Variants in ZNF609 observed in about 807,000 individuals in gnomAD.
ZNF609 encodes the protein zinc finger protein 609.
A neutral mutation model predicts 109.5 loss-of-function variants in ZNF609; 11 were observed. The observed-to-expected ratio is 0.10, with a 90% CI of 0.06 to 0.17. The LOEUF (loss-of-function observed/expected upper bound fraction) is 0.17, where lower values mean the gene tolerates loss of function less well. ZNF609 is among the 10% of genes least tolerant of loss of function. The probability of loss-of-function intolerance (pLI) is 1.00; values close to 1 mark genes in which losing one functional copy is unlikely to be tolerated. For missense variants in ZNF609, 1,559 were observed against 1,772.4 expected (o/e 0.88, Z 2.16); for synonymous variants, 646 against 662.0 (o/e 0.98, Z 0.37).
intron 2 of ZNF609, among the ~76,000 whole-genome samples, chr15:64,569,556 A>T (rs1894829042): frequency 6.6e-6 from 1 of 152,254 alleles, no homozygotes; most frequent in Non-Finnish European, 1.5e-5. Flanking sequence ...TAGAAAATCC[A>T]AGCAGGTAGA....
At chr15:64,505,830 ATCAAC>A (rs957946848) in intron 2 of ZNF609, among the ~76,000 whole-genome samples, 3 of 152,054 alleles carry the variant, frequency 2.0e-5, no homozygotes, top group African/African-American at 7.2e-5. Flanking sequence ...TGAATTTCAC[ATCAAC>A]TCTTATGTAT....
chr15:64,571,225 A>G (rs548571270), intron 2 of ZNF609, among the ~76,000 whole-genome samples: 1 of 152,288 alleles, frequency 6.6e-6, no homozygotes, highest in East Asian at 1.9e-4. Context: ...TTGGGTATAG[A>G]TCCCTCAGCA....
chr15:64,676,301 G>C (rs202175272), intron 5 of ZNF609, 45 bp downstream of exon 5: 1 of 1,528,808 alleles, frequency 6.5e-7, no homozygotes, highest in African/African-American at 1.4e-5. Flanking sequence ...TATGGTAATC[G>C]TCTATCTTCC....
At chr15:64,564,806 G>A (rs1270961087) in intron 2 of ZNF609, among the ~76,000 whole-genome samples, 2 of 150,798 alleles carry the variant, frequency 1.3e-5, no homozygotes, top group Non-Finnish European at 2.9e-5. Flanking sequence ...TGATAGTAAT[G>A]TCACTGATAC....
At position 64,643,440 on chromosome 15, in the gene ZNF609, C is replaced by T. The variant is rs578033823; in HGVS notation, c.973+20388C>T. Among the ~76,000 whole-genome samples, 17 of 152,210 alleles carry T rather than the reference C, an allele frequency of 1.1e-4. No individual in the cohort carries two copies. In the South Asian group the frequency reaches 3.1e-3, roughly 28 times the overall value. ...TGCATCTTCCTCCTTGCCCTTACTCCGAACATCAGTAAACAAATATGTCTG... is the reference window on the plus strand; with the variant it reads ...TGCATCTTCCTCCTTGCCCTTACTCTGAACATCAGTAAACAAATATGTCTG... On this transcript the variant is annotated intron_variant, in intron 3 of 9. Transcript: ENST00000326648.
intron 3 of ZNF609, among the ~76,000 whole-genome samples, chr15:64,662,246 A>T (rs1896588111): frequency 6.6e-6 from 1 of 152,226 alleles, no homozygotes; most frequent in Non-Finnish European, 1.5e-5. Flanking sequence ...AGGAACCCCC[A>T]ATAATACCTT....
intron 8 of ZNF609, 22 bp from the exon 9 acceptor site, chr15:64,681,287 A>T (rs781298237): frequency 6.2e-7 from 1 of 1,612,348 alleles, no homozygotes; most frequent in Non-Finnish European, 8.5e-7. Flanking sequence ...TGCTACACTA[A>T]CATGTTCTCC....
intron 2 of ZNF609, among the ~76,000 whole-genome samples, chr15:64,576,549 C>T (rs1894955931): frequency 1.3e-5 from 2 of 151,928 alleles, no homozygotes; most frequent in Admixed American, 1.3e-4. Flanking sequence ...CTTCCATGCC[C>T]TATTCTAGAA....
chr15:64,644,954 CTTTCTT>C (rs1567037913), intron 3 of ZNF609, among the ~76,000 whole-genome samples: 1 of 148,992 alleles, frequency 6.7e-6, no homozygotes, highest in African/African-American at 2.6e-5. Context: ...TTTTCTCTCT[CTTTCTT>C]TTCTTTTCTT....
Position 64,673,981 on chromosome 15 carries a change from G to A in ZNF609, c.1127G>A (p.Arg376His), listed in dbSNP as rs1450055260. 12 of 1,614,098 alleles carry A rather than the reference G, an allele frequency of 7.4e-6. No homozygotes were observed. Among genetic ancestry groups the A allele is most frequent in the East Asian group, 2.2e-5 (1 of 44,874 alleles). ...RNGRGRGKRM[R>H]PNSNTPVNET... The stretch of plus-strand genomic sequence containing the variant: ...GGCCGGGGTAGAGGCAAACGCATGC[G>A]TCCCAACAGTAATACACCTGTCAAT... The change falls in exon 5 of 10, where the codon CGT becomes CAT. Residue 376 changes from arginine (R) to histidine (H), a missense_variant. Around this residue, in one of 4 missense-constraint regions of ZNF609, gnomAD observed 1,204 missense variants for 1,314.1 expected, o/e 0.92. Transcript: ENST00000326648.
At chr15:64,468,034 C>T (rs555444527) in intron 1 of ZNF609, among the ~76,000 whole-genome samples, 28 of 148,764 alleles carry the variant, frequency 1.9e-4, no homozygotes, top group South Asian at 1.1e-3. Context: ...TTTTTTGAGG[C>T]AGGGCCTTGC....
At chr15:64,470,461 G>C (rs1893077178) in intron 1 of ZNF609, 1 of 152,170 alleles carries the variant, frequency 6.6e-6, no homozygotes, top group South Asian at 2.1e-4. Flanking sequence ...TGAAAAGCTG[G>C]TTGGTAAGTG....
chr15:64,588,839 T>C (rs1895246946), intron 2 of ZNF609, among the ~76,000 whole-genome samples: 1 of 152,080 alleles, frequency 6.6e-6, no homozygotes, highest in African/African-American at 2.4e-5. Flanking sequence ...GGTTTCACCA[T>C]ATTGGTCAGG....
chr15:64,519,120 G>C (rs1170770095), intron 2 of ZNF609, among the ~76,000 whole-genome samples: 5 of 143,584 alleles, frequency 3.5e-5, no homozygotes, highest in African/African-American at 1.3e-4. Flanking sequence ...GGTGCAGGGC[G>C]GGGGGCGGGG....
At chr15:64,588,167 G>A (rs867845277) in intron 2 of ZNF609, among the ~76,000 whole-genome samples, 30 of 150,732 alleles carry the variant, frequency 2.0e-4, no homozygotes, top group Middle Eastern at 6.8e-3. Flanking sequence ...GGTGGCTCAC[G>A]CCTGTAATCC....
intron 2 of ZNF609, among the ~76,000 whole-genome samples, chr15:64,504,636 G>GTTT (rs767874531): frequency 3.7e-5 from 5 of 136,972 alleles, no homozygotes; most frequent in East Asian, 2.1e-4. Context: ...TGCCTGGCTA[G>GTTT]TTTTTTTTTT....
At chr15:64,484,939 A>C (rs1411979566) in intron 1 of ZNF609, among the ~76,000 whole-genome samples, 3 of 152,194 alleles carry the variant, frequency 2.0e-5, no homozygotes, top group African/African-American at 7.2e-5. Flanking sequence ...GCGCCACTGC[A>C]CTCCAGCTTG....
At chr15:64,524,066 T>G (rs1893933261) in intron 2 of ZNF609, among the ~76,000 whole-genome samples, 1 of 151,460 alleles carries the variant, frequency 6.6e-6, no homozygotes, top group African/African-American at 2.4e-5. Context: ...AATTCATGTT[T>G]TCTTTTTTTT....
chr15:64,679,359 C>T (rs944336845), intron 6 of ZNF609, among the ~76,000 whole-genome samples: 1 of 152,210 alleles, frequency 6.6e-6, no homozygotes, highest in Non-Finnish European at 1.5e-5. Flanking sequence ...GCATGAGCCA[C>T]CGCTCCGGCC....
Sources: allele counts gnomAD v4.1 joint callset (sites outside exome capture counted in the v4.1 genomes callset), GRCh38; gene constraint gnomAD v4.1.1; regional missense constraint gnomAD v4.1.1; transcripts MANE v1.5; gene names NCBI Gene and HGNC (gene_info 2026-07-23, HGNC 2026-07-21).